WDFY3: variants seen among roughly 807,000 people sequenced by gnomAD.
The protein encoded by WDFY3 is WD repeat and FYVE domain containing 3, also known as WD repeat and FYVE domain-containing protein 3.
WDFY3 carries 66 observed loss-of-function variants against 409.6 expected under a neutral mutation model. The observed-to-expected ratio is 0.16, with a 90% CI of 0.13 to 0.20. WDFY3 has a LOEUF of 0.20. WDFY3 is among the 10% of genes least tolerant of loss of function. The pLI is 1.00. For synonymous variants in WDFY3, 1,521 were observed against 1,537.1 expected, an observed-to-expected ratio of 0.99 and a Z score of 0.25; for missense variants, 3,031 against 4,298.1, an observed-to-expected ratio of 0.71 and a Z score of 8.24.
chr4:84,772,987 A>G (rs1235604639), intron 29 of WDFY3, 58 bp from the exon 30 acceptor site: 22 of 1,346,436 alleles, frequency 1.6e-5, no homozygotes, highest in Non-Finnish European at 2.2e-5. Context: ...CAAAACAAAC[A>G]ACAAAGTACA....
intron 1 of WDFY3, among the ~76,000 whole-genome samples, chr4:84,933,817 G>A (rs1001345805): frequency 6.6e-6 from 1 of 152,052 alleles, no homozygotes; most frequent in Non-Finnish European, 1.5e-5. Flanking sequence ...TTAACATAAT[G>A]TCCTCCAGTT....
intron 53 of WDFY3, 21 bp from the exon 54 acceptor site, chr4:84,705,532 C>A (rs746781842): frequency 1.9e-6 from 3 of 1,575,034 alleles, no homozygotes; most frequent in Non-Finnish European, 2.6e-6. Flanking sequence ...AAATGTAACT[C>A]AATTCCAAGT....
At chr4:84,796,452 A>G in intron 19 of WDFY3, 69 bp downstream of exon 19, 1 of 971,508 alleles carries the variant, frequency 1.0e-6, no homozygotes, top group East Asian at 3.0e-5. Context: ...TTTAAAACCA[A>G]AGATCTATTT....
chr4:84,750,108 A>G (rs1740244460), intron 36 of WDFY3, among the ~76,000 whole-genome samples: 2 of 152,118 alleles, frequency 1.3e-5, no homozygotes, highest in South Asian at 2.1e-4. Flanking sequence ...TCTCTTCTGG[A>G]CTTTATCCTA....
intron 1 of WDFY3, among the ~76,000 whole-genome samples, chr4:84,951,707 C>T (rs1033282693): frequency 7.2e-5 from 11 of 152,176 alleles, no homozygotes; most frequent in African/African-American, 2.7e-4. Context: ...TACTGCAATG[C>T]AACCAGTTTT....
chr4:84,823,857 T>C (rs919290853), intron 10 of WDFY3, among the ~76,000 whole-genome samples: 2 of 152,176 alleles, frequency 1.3e-5, no homozygotes, highest in African/African-American at 2.4e-5. Context: ...TAGAAGATAC[T>C]CTGGCAGTTT....
chr4:84,683,929 C>T lies in WDFY3; in HGVS notation c.9726+14G>A. The T allele has an allele frequency of 6.4e-7, 1 of 1,567,620 alleles. No homozygotes were observed. Among genetic ancestry groups the T allele is most frequent in the Non-Finnish European group, 8.7e-7 (1 of 1,147,956 alleles). On this transcript the variant is annotated intron_variant, in intron 63 of 67. Coordinates refer to ENST00000295888, the MANE Select transcript of WDFY3 (RefSeq NM_014991.6). ...GACAAATATCCTAATGAGTTTTTCTCTCAGTTCACTTACCCGAACCACTCC... is the reference window on the plus strand; with the variant it reads ...GACAAATATCCTAATGAGTTTTTCTTTCAGTTCACTTACCCGAACCACTCC...
intron 25 of WDFY3, among the ~76,000 whole-genome samples, chr4:84,782,222 C>T (rs1317077474): frequency 1.3e-5 from 2 of 152,182 alleles, no homozygotes; most frequent in Non-Finnish European, 2.9e-5. Context: ...TTAACAAAAA[C>T]TCATGAGCTA....
At chr4:84,748,233 T>C (rs568464077) in intron 36 of WDFY3, among the ~76,000 whole-genome samples, 1 of 152,274 alleles carries the variant, frequency 6.6e-6, no homozygotes, top group East Asian at 1.9e-4. Flanking sequence ...CGTAGTCAAT[T>C]TTTTGAGTAT....
intron 5 of WDFY3, among the ~76,000 whole-genome samples, chr4:84,843,460 T>C (rs953458961): frequency 6.6e-6 from 1 of 152,154 alleles, no homozygotes; most frequent in African/African-American, 2.4e-5. Context: ...GAGTGCACGA[T>C]CACGGCTTAC....
intron 59 of WDFY3, among the ~76,000 whole-genome samples, chr4:84,692,510 T>C (rs1051283332): frequency 6.6e-6 from 1 of 152,186 alleles, no homozygotes; most frequent in Non-Finnish European, 1.5e-5. Flanking sequence ...TAAAAATGTG[T>C]TCTTTTACTA....
chr4:84,778,722 C>T (rs1365936932), intron 26 of WDFY3, 67 bp from the exon 27 acceptor site: 1 of 1,459,670 alleles, frequency 6.9e-7, no homozygotes, highest in Admixed American at 2.1e-5. Context: ...CACACACAAA[C>T]ACACACATAC....
intron 44 of WDFY3, among the ~76,000 whole-genome samples, chr4:84,730,804 T>A (rs1229061755): frequency 6.6e-6 from 1 of 151,800 alleles, no homozygotes; most frequent in Non-Finnish European, 1.5e-5. Context: ...TCTCTCTCTC[T>A]GTATTTTTTT....
intron 4 of WDFY3, among the ~76,000 whole-genome samples, chr4:84,856,960 A>G (rs1759839546): frequency 6.6e-6 from 1 of 152,180 alleles, no homozygotes; most frequent in Admixed American, 6.5e-5. Context: ...TTCTAAATTT[A>G]ATGGAAATGG....
At position 84,808,370 on chromosome 4, in the gene WDFY3, G is replaced by A. The variant is rs749459862; in HGVS notation, c.2393C>T (p.Pro798Leu). The A allele has an allele frequency of 4.3e-5, 70 of 1,613,772 alleles. No individual in the cohort carries two copies. The highest frequency in any genetic ancestry group is 4.8e-5 in the Non-Finnish European group (57 of 1,179,866). Residue 798 changes from proline to leucine, a missense_variant, in exon 15 of 68, where the codon CCC becomes CTC. Pro to Leu is a moderately conservative substitution (Grantham distance 98, BLOSUM62 -3). Around this residue, in one of 16 missense-constraint regions of WDFY3, gnomAD observed 1,322 missense variants for 1,697.9 expected, o/e 0.78. Transcript: ENST00000295888. ...PPCLTSESSL[P>L]SPWGTPALSR... ...CAAAGCTGGTGTACCCCAAGGAGAG[G>A]GGAGAGAAGACTCACTTGTCAGGCA...
intron 35 of WDFY3, among the ~76,000 whole-genome samples, chr4:84,752,197 G>C (rs947950465): frequency 6.6e-6 from 1 of 151,974 alleles, no homozygotes; most frequent in African/African-American, 2.4e-5. Context: ...CCAAGTGACA[G>C]AGCGAGACTA....
intron 1 of WDFY3, among the ~76,000 whole-genome samples, chr4:84,954,521 T>C (rs1212654200): frequency 6.6e-6 from 1 of 152,176 alleles, no homozygotes; most frequent in Non-Finnish European, 1.5e-5. Flanking sequence ...TATAAATTTA[T>C]AGGGATTTCT....
At chr4:84,947,307 T>C (rs1460523858) in intron 1 of WDFY3, among the ~76,000 whole-genome samples, 7 of 146,496 alleles carry the variant, frequency 4.8e-5, no homozygotes, top group Non-Finnish European at 3.0e-5. Context: ...GGTCAGGAGA[T>C]GGAGACCATC....
At chr4:84,957,847 G>T (rs886379764) in intron 1 of WDFY3, among the ~76,000 whole-genome samples, 3 of 152,132 alleles carry the variant, frequency 2.0e-5, no homozygotes, top group African/African-American at 7.2e-5. Flanking sequence ...TGATATTCTA[G>T]ATCTATTAGT....
Sources: allele counts gnomAD v4.1 joint callset (sites outside exome capture counted in the v4.1 genomes callset), GRCh38; gene constraint gnomAD v4.1.1; regional missense constraint gnomAD v4.1.1; transcripts MANE v1.5; gene names NCBI Gene and HGNC (gene_info 2026-07-23, HGNC 2026-07-21).